ENPP6: variants seen among roughly 807,000 people sequenced by gnomAD.
ENPP6 encodes the protein glycerophosphocholine cholinephosphodiesterase ENPP6.
A neutral mutation model predicts 42.0 loss-of-function variants in ENPP6; 32 were observed. The ratio of observed to expected loss-of-function variants is 0.76; its 90% confidence interval spans 0.58 to 1.02. ENPP6 has a LOEUF of 1.02. Ranked by LOEUF, ENPP6 falls within the 50% of genes least tolerant of loss-of-function variation. The probability of loss-of-function intolerance (pLI) is 0.00; values close to 1 mark genes in which losing one functional copy is unlikely to be tolerated. For synonymous variants in ENPP6, 213 were observed against 216.0 expected, an observed-to-expected ratio of 0.99 and a Z score of 0.12; for missense variants, 552 against 566.8, an observed-to-expected ratio of 0.97 and a Z score of 0.27.
At chr4:184,210,118 C>G (rs4444871) in intron 1 of ENPP6, among the ~76,000 whole-genome samples, 78,001 of 150,376 alleles carry the variant, frequency 0.52, 20,918 homozygotes, top group East Asian at 0.84. Context: ...ACCGGTACCA[C>G]CCGCTGCAAA....
chr4:184,199,817 G>A (rs1213777572), intron 1 of ENPP6, among the ~76,000 whole-genome samples: 6 of 152,188 alleles, frequency 3.9e-5, no homozygotes, highest in Admixed American at 1.3e-4. Context: ...ACAGCGTCTC[G>A]CTGGGAGCCC....
rs75767285 is a variant in ENPP6, at chr4:184,188,944, G to T, written c.241+28635C>A. On this transcript the variant is annotated intron_variant, in intron 1 of 7. Transcript: ENST00000296741. ...AAGATTCCTAGGAAGCAAAATGACA[G>T]ATAAGGTGATTAAGCAAGTGGATGC... is the stretch of plus-strand genomic sequence containing the variant. Among the ~76,000 whole-genome samples, 490 of 152,276 alleles carry T rather than the reference G, an allele frequency of 3.2e-3. 1 individual carries two copies. Among genetic ancestry groups the T allele is most frequent in the Non-Finnish European group, 4.5e-3 (304 of 68,002 alleles).
rs569320454 is a variant in ENPP6, at chr4:184,214,174, G to T, written c.241+3405C>A. Reference sequence around the variant, plus strand: ...GTTAGTGGGTGCAGCGCACCAGCATGGCACATGTATACATATGTAACTAAC... The same window carrying T: ...GTTAGTGGGTGCAGCGCACCAGCATTGCACATGTATACATATGTAACTAAC... On this transcript the variant is annotated intron_variant, in intron 1 of 7. Transcript: ENST00000296741. Among the ~76,000 whole-genome samples, 853 of 147,994 alleles carry T rather than the reference G, an allele frequency of 5.8e-3. 4 individuals carry two copies. The highest frequency in any genetic ancestry group is 0.014 in the Middle Eastern group (4 of 292).
intron 1 of ENPP6, among the ~76,000 whole-genome samples, chr4:184,175,472 A>G (rs1737545542): frequency 6.6e-6 from 1 of 152,196 alleles, no homozygotes; most frequent in African/African-American, 2.4e-5. Context: ...CTACACCACT[A>G]TGAGTTGATG....
At chr4:184,097,471 T>C (rs981787554) in intron 6 of ENPP6, 103 bp from the exon 7 acceptor site, 109 of 1,527,744 alleles carry the variant, frequency 7.1e-5, no homozygotes, top group Non-Finnish European at 7.0e-5. Flanking sequence ...TTTCCTCCTC[T>C]GCGCTCCGAC....
chr4:184,174,814 C>T (rs970240226), intron 1 of ENPP6, among the ~76,000 whole-genome samples: 18 of 152,300 alleles, frequency 1.2e-4, no homozygotes, highest in East Asian at 3.9e-4. Context: ...AGTGGAAGCC[C>T]GCACCAAACT....
chr4:184,206,251 A>ATTCTTTT lies in ENPP6; in HGVS notation c.241+11327_241+11328insAAAAGAA, dbSNP rs752341794. On this transcript the variant is annotated intron_variant, in intron 1 of 7. Coordinates refer to ENST00000296741, the MANE Select transcript of ENPP6 (RefSeq NM_153343.4). Reference sequence around the variant, plus strand: ...GAACAGCCCCTCAAAGGAAGCTTGAATTTTTTTTTTTTTTTTTTTTTTTTG... The same window carrying ATTCTTTT: ...GAACAGCCCCTCAAAGGAAGCTTGAATTCTTTTTTTTTTTTTTTTTTTTTTTTTTTTG... Among the ~76,000 whole-genome samples, 418 of 93,360 alleles carry ATTCTTTT rather than the reference A, an allele frequency of 4.5e-3. 43 individuals are homozygous for ATTCTTTT. The highest frequency in any genetic ancestry group is 9.7e-3 in the African/African-American group (217 of 22,466). 61.2% of individuals were successfully genotyped at this position (93,360 alleles called of 152,430 possible). A position where few individuals can be genotyped will look rare whatever the true frequency, so the allele number is the denominator to read the frequency against.
At chr4:184,146,519 A>G (rs551474681) in intron 2 of ENPP6, among the ~76,000 whole-genome samples, 5 of 152,342 alleles carry the variant, frequency 3.3e-5, no homozygotes, top group African/African-American at 1.2e-4. Context: ...TCCTTGCTAC[A>G]CAAAGTCAGA....
intron 1 of ENPP6, among the ~76,000 whole-genome samples, chr4:184,195,158 C>T (rs2111110616): frequency 6.6e-6 from 1 of 152,170 alleles, no homozygotes; most frequent in East Asian, 1.9e-4. Context: ...TTCAAGGGTA[C>T]AAGTGCAGGT....
chr4:184,131,166 T>TTTCC (rs1736608587), intron 2 of ENPP6, among the ~76,000 whole-genome samples: 2 of 56,126 alleles, frequency 3.6e-5, no homozygotes, highest in Non-Finnish European at 7.3e-5. Flanking sequence ...TCTTTCTTTC[T>TTTCC]TTCTTTCTTT....
chr4:184,202,614 G>A (rs558660729), intron 1 of ENPP6, among the ~76,000 whole-genome samples: 1 of 152,130 alleles, frequency 6.6e-6, no homozygotes, highest in Non-Finnish European at 1.5e-5. Flanking sequence ...AACTATCCAT[G>A]ATCACAATGT....
chr4:184,137,247 C>A (rs1254080426), intron 2 of ENPP6, among the ~76,000 whole-genome samples: 1 of 152,208 alleles, frequency 6.6e-6, no homozygotes, highest in Non-Finnish European at 1.5e-5. Context: ...CAGGCACCCA[C>A]CACCACACTT....
At chr4:184,130,329 T>C (rs1430065409) in intron 2 of ENPP6, among the ~76,000 whole-genome samples, 17 of 150,546 alleles carry the variant, frequency 1.1e-4, no homozygotes, top group South Asian at 2.1e-4. Flanking sequence ...GAGGCCGAGG[T>C]GGGTGGATCA....
chr4:184,187,214 T>TAACA (rs1732646882), intron 1 of ENPP6, among the ~76,000 whole-genome samples: 1 of 152,184 alleles, frequency 6.6e-6, no homozygotes, highest in Non-Finnish European at 1.5e-5. Context: ...ATCCTCAAGC[T>TAACA]GGGCCAAGGT....
chr4:184,122,798 G>A (rs572320959), intron 3 of ENPP6, among the ~76,000 whole-genome samples: 64 of 152,300 alleles, frequency 4.2e-4, no homozygotes, highest in African/African-American at 1.2e-3. Flanking sequence ...TTTCATATTT[G>A]GCACAGCCAT....
rs144220579 is a variant in ENPP6 at position 184,175,672 on chromosome 4, T to C, written c.242-21939A>G. Among the ~76,000 whole-genome samples the C allele has an allele frequency of 5.7e-3, 865 of 152,292 alleles. 11 individuals carry two copies. The highest frequency in any genetic ancestry group is 0.02 in the African/African-American group (828 of 41,566). ...CCATCAACAACTGGAAAGTTTGTGA[T>C]GAGATCTTGTTCTGGAGTATTGAGA... On this transcript the variant is annotated intron_variant, in intron 1 of 7. Coordinates refer to ENST00000296741, the MANE Select transcript of ENPP6 (RefSeq NM_153343.4).
At chr4:184,171,245 G>A (rs1737456265) in intron 1 of ENPP6, among the ~76,000 whole-genome samples, 2 of 152,218 alleles carry the variant, frequency 1.3e-5, no homozygotes, top group Admixed American at 6.5e-5. Flanking sequence ...ACCTTAGCTG[G>A]GTTGTCAGCA....
intron 2 of ENPP6, among the ~76,000 whole-genome samples, chr4:184,132,851 AT>A (rs1736662940): frequency 6.7e-6 from 1 of 148,286 alleles, no homozygotes. Context: ...ATATATATAT[AT>A]ATATAAAATC....
chr4:184,113,907 CT>C (rs1553995022), intron 5 of ENPP6, among the ~76,000 whole-genome samples: 9 of 100,930 alleles, frequency 8.9e-5, no homozygotes, highest in African/African-American at 1.5e-4. Context: ...TCTTTTCTTT[CT>C]TTCTTTCTTT....
Sources: gnomAD v4.1 joint callset for allele counts (sites outside exome capture counted in the v4.1 genomes callset) on GRCh38, gnomAD v4.1.1 for gene constraint, MANE v1.5 for transcripts, NCBI Gene and HGNC (gene_info 2026-07-23, HGNC 2026-07-21) for gene names.